The following MCMDC2 variants were observed in gnomAD, a reference collection of about 807,000 sequenced individuals.
The protein encoded by MCMDC2 is minichromosome maintenance domain-containing protein 2.
MCMDC2 carries 54 observed loss-of-function variants against 75.8 expected under a neutral mutation model. The observed-to-expected ratio is 0.71, with a 90% CI of 0.57 to 0.89. MCMDC2 has a LOEUF of 0.89. Ranked by LOEUF, MCMDC2 falls within the 40% of genes least tolerant of loss-of-function variation. The pLI, the probability that MCMDC2 is intolerant of heterozygous loss-of-function variation, is 0.00. For missense variants in MCMDC2, 656 were observed against 780.4 expected, an observed-to-expected ratio of 0.84 and a Z score of 1.90; for synonymous variants, 249 against 274.6, an observed-to-expected ratio of 0.91 and a Z score of 0.92.
intron 9 of MCMDC2, among the ~76,000 whole-genome samples, chr8:66,886,230 T>C (rs1049808837): frequency 6.7e-6 from 1 of 149,854 alleles, no homozygotes; most frequent in Non-Finnish European, 1.5e-5. Context: ...AATGGCACCA[T>C]CTTGGCTCAC....
At chr8:66,888,620 G>A (rs558720266) in intron 9 of MCMDC2, among the ~76,000 whole-genome samples, 19 of 152,212 alleles carry the variant, frequency 1.2e-4, no homozygotes, top group Admixed American at 1.2e-3. Flanking sequence ...TGATATTTTT[G>A]ATGCTACTAA....
chr8:66,902,874 C>A (rs1312455516), intron 13 of MCMDC2, among the ~76,000 whole-genome samples: 1 of 151,604 alleles, frequency 6.6e-6, no homozygotes, highest in Non-Finnish European at 1.5e-5. Flanking sequence ...AATCCCAGTA[C>A]TTTGGGAGGC....
chr8:66,878,727 T>C (rs1205261587), intron 6 of MCMDC2, 31 bp downstream of exon 6: 1 of 1,502,768 alleles, frequency 6.7e-7, no homozygotes, highest in Admixed American at 2.2e-5. Flanking sequence ...GTAATTATAA[T>C]TTTTAAAATA....
chr8:66,887,212 T>C (rs995500182), intron 9 of MCMDC2, among the ~76,000 whole-genome samples: 2 of 152,122 alleles, frequency 1.3e-5, no homozygotes, highest in Non-Finnish European at 2.9e-5. Flanking sequence ...TATTATTTAC[T>C]TTTATGCTTA....
intron 9 of MCMDC2, among the ~76,000 whole-genome samples, chr8:66,888,700 A>G (rs1004457285): frequency 6.6e-6 from 1 of 152,144 alleles, no homozygotes; most frequent in Admixed American, 6.5e-5. Flanking sequence ...ATTGATTTTT[A>G]TATTTTGACT....
At chr8:66,893,087 A>G (rs1475458722) in intron 10 of MCMDC2, among the ~76,000 whole-genome samples, 1 of 152,230 alleles carries the variant, frequency 6.6e-6, no homozygotes, top group East Asian at 1.9e-4. Context: ...GGCAAGATTT[A>G]TAACTAGCAA....
intron 8 of MCMDC2, among the ~76,000 whole-genome samples, chr8:66,882,358 C>CT (rs991887062): frequency 3.8e-4 from 57 of 151,176 alleles, no homozygotes; most frequent in South Asian, 3.4e-3. Flanking sequence ...AGTTTCTTTT[C>CT]TTTTTTTTTC....
chr8:66,872,957 C>CAAAAAA (rs749748721), intron 1 of MCMDC2, among the ~76,000 whole-genome samples: 13 of 40,034 alleles, frequency 3.2e-4, no homozygotes, highest in South Asian at 1.8e-3. Flanking sequence ...GACTCCATCT[C>CAAAAAA]AAAAAAAAAA....
chr8:66,883,040 G>C (rs1043452100), intron 8 of MCMDC2, among the ~76,000 whole-genome samples: 1 of 152,164 alleles, frequency 6.6e-6, no homozygotes, highest in African/African-American at 2.4e-5. Flanking sequence ...GGAAATCACT[G>C]CTTTTTGATG....
At chr8:66,886,521 T>G (rs1239230550) in intron 9 of MCMDC2, among the ~76,000 whole-genome samples, 1 of 152,010 alleles carries the variant, frequency 6.6e-6, no homozygotes, top group Non-Finnish European at 1.5e-5. Context: ...GACTGTAATC[T>G]CAGCACTTTG....
chr8:66,871,916 C>T (rs1196357661), intron 1 of MCMDC2, among the ~76,000 whole-genome samples: 3 of 148,998 alleles, frequency 2.0e-5, no homozygotes, highest in Non-Finnish European at 4.4e-5. Context: ...AAAAAAAAAT[C>T]TGACTATAAT....
intron 14 of MCMDC2, among the ~76,000 whole-genome samples, chr8:66,907,869 C>CT (rs202183604): frequency 2.0e-3 from 303 of 151,782 alleles, no homozygotes; most frequent in African/African-American, 6.8e-3. Flanking sequence ...GCATAAATGT[C>CT]TTTTTTTTGA....
chr8:66,889,920 A>G (rs568427080), intron 9 of MCMDC2, among the ~76,000 whole-genome samples: 2 of 152,232 alleles, frequency 1.3e-5, no homozygotes, highest in African/African-American at 4.8e-5. Flanking sequence ...GATAGTTTTG[A>G]TGGGACACTA....
intron 14 of MCMDC2, among the ~76,000 whole-genome samples, chr8:66,909,395 AG>A (rs1250734057): frequency 6.6e-6 from 1 of 152,250 alleles, no homozygotes; most frequent in Non-Finnish European, 1.5e-5. Context: ...ACTTGACAAC[AG>A]GCAGAGGGTG....
intron 9 of MCMDC2, 168 bp downstream of exon 9, chr8:66,884,162 TAA>T: frequency 1.7e-6 from 1 of 588,568 alleles, no homozygotes; most frequent in Non-Finnish European, 3.0e-6. Context: ...GATAAATTGA[TAA>T]GTGATAAGTT....
intron 5 of MCMDC2, among the ~76,000 whole-genome samples, chr8:66,877,936 C>T (rs1202685736): frequency 6.8e-6 from 1 of 147,880 alleles, no homozygotes; most frequent in Non-Finnish European, 1.5e-5. Context: ...AGTTATAAAA[C>T]ACAAAATAGA....
At chr8:66,891,510 G>A (rs554212252) in intron 10 of MCMDC2, among the ~76,000 whole-genome samples, 1 of 152,058 alleles carries the variant, frequency 6.6e-6, no homozygotes, top group Non-Finnish European at 1.5e-5. Context: ...TTCCGAGAGG[G>A]TTTTTTTTAA....
chr8:66,894,350 G>A (rs1812245986), intron 10 of MCMDC2, among the ~76,000 whole-genome samples: 1 of 152,194 alleles, frequency 6.6e-6, no homozygotes, highest in African/African-American at 2.4e-5. Context: ...TTACTTGGTT[G>A]CTTCCCTGTA....
At chr8:66,902,707 AAAAAATATATATATAT>A (rs1415989994) in intron 13 of MCMDC2, among the ~76,000 whole-genome samples, 46 of 121,206 alleles carry the variant, frequency 3.8e-4, no homozygotes, top group African/African-American at 1.6e-3. Context: ...AAAAAAAAAA[AAAAAATATATATATAT>A]ATATATATAT....
Sources: allele counts gnomAD v4.1 joint callset (sites outside exome capture counted in the v4.1 genomes callset), GRCh38; gene constraint gnomAD v4.1.1; transcripts MANE v1.5; gene names NCBI Gene and HGNC (gene_info 2026-07-23, HGNC 2026-07-21).